OTUB1: variants seen among roughly 807,000 people sequenced by gnomAD.
OTUB1 encodes OTU deubiquitinase, ubiquitin aldehyde binding 1.
In OTUB1, 10 loss-of-function variants were observed where a neutral mutation model predicts 35.8. The observed-to-expected ratio is 0.28, with a 90% CI of 0.17 to 0.47. The LOEUF is 0.47. Ranked by LOEUF, OTUB1 falls within the 20% of genes least tolerant of loss-of-function variation. The probability of loss-of-function intolerance (pLI) is 0.99; values close to 1 mark genes in which losing one functional copy is unlikely to be tolerated. For missense variants in OTUB1, 264 were observed against 351.6 expected, an observed-to-expected ratio of 0.75 and a Z score of 1.99; for synonymous variants, 158 against 143.8, an observed-to-expected ratio of 1.10 and a Z score of -0.71.
chr11:63,996,480 C>A, intron 3 of OTUB1, 50 bp from the exon 4 acceptor site: 1 of 1,584,450 alleles, frequency 6.3e-7, no homozygotes, highest in South Asian at 1.1e-5. Flanking sequence ...CCTTGGCCAG[C>A]CCCCGTTCTG....
intron 1 of OTUB1, 131 bp from the exon 2 acceptor site, chr11:63,988,206 T>G (rs1221643176): frequency 2.9e-6 from 2 of 678,414 alleles, no homozygotes. Context: ...ATCTGGGACA[T>G]CTGTAACATA....
intron 1 of OTUB1, 49 bp downstream of exon 1, chr11:63,986,563 C>G: frequency 6.7e-7 from 1 of 1,483,580 alleles, no homozygotes; most frequent in South Asian, 1.2e-5. Context: ...GGGGCGATGC[C>G]GGGCCAGCTG....
rs369302414 is a variant in OTUB1, at chr11:63,996,777, C to T, written c.339-80C>T. 7.8e-5 allele frequency: 125 copies of T among 1,609,250 alleles called. No homozygotes were observed. The East Asian group carries it at 8.5e-4, about 11-fold the overall frequency. ...TGGGCTGGACTCTGGCCTTGCCAGG[C>T]GGGGCAGTGCTGTCTCGGCCCTGGC... On this transcript the variant is annotated intron_variant, in intron 4 of 6. Transcript: ENST00000538426.
chr11:63,993,532 C>T (rs1489258490), intron 3 of OTUB1, among the ~76,000 whole-genome samples: 5 of 151,868 alleles, frequency 3.3e-5, no homozygotes, highest in Non-Finnish European at 7.4e-5. Flanking sequence ...GGCATAGTGG[C>T]GCGCGCCTGT....
chr11:63,989,027 A>T (rs1419601146), intron 3 of OTUB1: 1 of 350,904 alleles, frequency 2.8e-6, no homozygotes, highest in African/African-American at 2.1e-5. Flanking sequence ...AAAAAAAAAA[A>T]AAAAGGTGGG....
chr11:63,997,095 G>A lies in OTUB1; in HGVS notation c.469G>A (p.Asp157Asn), dbSNP rs36006687. 4.3e-4 allele frequency: 690 copies of A among 1,614,174 alleles called. 2 individuals are homozygous for A. The African/African-American group carries it at 7.0e-3, about 16-fold the overall frequency. Reference sequence around the variant, plus strand: ...GGTGGAGAAGCAGACCTCTGTCGCCGACCTGCTGGCCTCCTTCAATGACCA... The same window carrying A: ...GGTGGAGAAGCAGACCTCTGTCGCCAACCTGCTGGCCTCCTTCAATGACCA... The part of the protein sequence containing the change: ...EQVEKQTSVA[D>N]LLASFNDQST... The change falls in exon 6 of 7, where the codon GAC (aspartate) becomes AAC (asparagine). Residue 157 changes from aspartate to asparagine, a missense_variant. Asp to Asn is a conservative substitution (Grantham distance 23, BLOSUM62 1). This residue lies in a region of OTUB1 where 214 missense variants were observed against 317.1 expected (regional missense o/e 0.67). Coordinates refer to ENST00000538426, the MANE Select transcript of OTUB1 (RefSeq NM_017670.3).
intron 3 of OTUB1, among the ~76,000 whole-genome samples, chr11:63,992,187 C>G (rs1942678500): frequency 6.6e-6 from 1 of 151,622 alleles, no homozygotes; most frequent in Non-Finnish European, 1.5e-5. Context: ...GCACTCCAGC[C>G]TGAGTGACCA....
At chr11:63,988,304 C>T (rs1048352311) in intron 1 of OTUB1, 33 bp from the exon 2 acceptor site, 1 of 1,541,508 alleles carries the variant, frequency 6.5e-7, no homozygotes, top group African/African-American at 1.4e-5. Flanking sequence ...GGCCAGGACC[C>T]CCTGTAATCT....
intron 3 of OTUB1, among the ~76,000 whole-genome samples, chr11:63,991,800 G>A (rs1409683094): frequency 1.3e-5 from 2 of 152,196 alleles, no homozygotes; most frequent in African/African-American, 2.4e-5. Flanking sequence ...TGAAGATAGA[G>A]CCATGCAGAC....
At chr11:63,991,351 A>AC (rs995516194) in intron 3 of OTUB1, among the ~76,000 whole-genome samples, 10 of 151,134 alleles carry the variant, frequency 6.6e-5, no homozygotes, top group Non-Finnish European at 1.2e-4. Context: ...CTCCAGTGGG[A>AC]CCCCCCATGC....
At chr11:63,996,436 A>G in intron 3 of OTUB1, 94 bp from the exon 4 acceptor site, 1 of 1,395,034 alleles carries the variant, frequency 7.2e-7, no homozygotes, top group Non-Finnish European at 9.9e-7. Context: ...CTCAGTTGCC[A>G]CCTTTGGAGT....
At chr11:63,988,247 G>A in intron 1 of OTUB1, 90 bp from the exon 2 acceptor site, 2 of 1,019,306 alleles carry the variant, frequency 2.0e-6, no homozygotes, top group Admixed American at 4.3e-5. Flanking sequence ...CTGTCTTCCT[G>A]ACCCTGGGCT....
chr11:63,986,773 G>A (rs1025510480), intron 1 of OTUB1: 3 of 466,762 alleles, frequency 6.4e-6, no homozygotes, highest in Admixed American at 7.9e-5. Context: ...GGCGGGGCCT[G>A]GGTCGCTCCG....
In OTUB1 at chr11:63,997,461, C is replaced by T. The variant is rs1363127053; in HGVS notation, c.731C>T (p.Thr244Ile). The change falls in exon 7 of 7, where the codon ACC becomes ATC. Residue 244 changes from threonine to isoleucine, a missense_variant. By Grantham distance (89) the Thr-to-Ile change is moderately conservative. Transcript: ENST00000538426. ...ATGGACCGCGGCGAGGGCGGCACCA[C>T]CAATCCGCACATCTTCCCTGAGGGC... ...EYMDRGEGGT[T>I]NPHIFPEGSE... is the part of the protein sequence containing the mutation. The T allele has an allele frequency of 1.9e-6, 3 of 1,614,058 alleles. No individual in the cohort carries two copies. The highest frequency in any genetic ancestry group is 2.5e-6 in the Non-Finnish European group (3 of 1,180,028).
At chr11:63,988,452 A>G (rs1555002561) in intron 2 of OTUB1, 54 bp downstream of exon 2, 2 of 1,502,622 alleles carry the variant, frequency 1.3e-6, no homozygotes, top group South Asian at 2.4e-5. Flanking sequence ...CATTGTGGAA[A>G]TGCATAGGCT....
At chr11:63,986,911 C>T (rs1245295249) in intron 1 of OTUB1, 2 of 195,204 alleles carry the variant, frequency 1.0e-5, no homozygotes, top group Non-Finnish European at 2.1e-5. Context: ...CGGCCCGCGC[C>T]GTGAGGGCCT....
rs1318682328 is a variant in OTUB1, at chr11:63,986,507, C to T, written c.51C>T (p.Asp17=). Residue 17 remains aspartate, a synonymous_variant, in exon 1 of 7, where the codon GAC becomes GAT. Transcript: ENST00000538426. The part of the protein sequence containing the change: ...QQQKQEPLGS[D]SEGVNCLAYD... ...AGAAGCAGGAGCCGCTGGGCAGCGA[C>T]TCCGAAGGTACAGATCCAAGGAGGG... is the stretch of plus-strand genomic sequence containing the variant. The T allele has an allele frequency of 1.9e-6, 3 of 1,551,174 alleles. No individual in the cohort carries two copies. The highest frequency in any genetic ancestry group is 2.6e-6 in the Non-Finnish European group (3 of 1,147,778).
intron 3 of OTUB1, among the ~76,000 whole-genome samples, chr11:63,994,930 T>G (rs1282718491): frequency 2.0e-5 from 3 of 152,176 alleles, no homozygotes; most frequent in East Asian, 3.9e-4. Context: ...AAACGTAAAG[T>G]CCAGGATTCC....
chr11:63,997,121 G>T lies in OTUB1; in HGVS notation c.495G>T (p.Gln165His). 6.2e-7 allele frequency: 1 copy of T among 1,614,226 alleles called. No individual in the cohort carries two copies. Among genetic ancestry groups the T allele is most frequent in the Non-Finnish European group, 8.5e-7 (1 of 1,180,036 alleles). ...VADLLASFND[Q>H]STSDYLVVYL... ...ACCTGCTGGCCTCCTTCAATGACCA[G>T]AGCACCTCCGACTACCTTGTGGTCT... The change falls in exon 6 of 7, where the codon CAG becomes CAT. Residue 165 changes from glutamine (Q) to histidine (H), a missense_variant. Coordinates refer to ENST00000538426, the MANE Select transcript of OTUB1 (RefSeq NM_017670.3).
Sources: gnomAD v4.1 joint callset for allele counts (sites outside exome capture counted in the v4.1 genomes callset) on GRCh38, gnomAD v4.1.1 for gene constraint, gnomAD v4.1.1 regional missense constraint, MANE v1.5 for transcripts, NCBI Gene and HGNC (gene_info 2026-07-23, HGNC 2026-07-21) for gene names.